CSMD2: variants seen among roughly 807,000 people sequenced by gnomAD.
The protein encoded by CSMD2 is CUB and Sushi multiple domains 2.
A neutral mutation model predicts 398.5 loss-of-function variants in CSMD2; 130 were observed. The observed-to-expected ratio is 0.33, with a 90% confidence interval of 0.28 to 0.38. CSMD2 has a LOEUF of 0.38. CSMD2 is among the 10% of genes least tolerant of loss of function. The pLI is 1.00. For missense variants in CSMD2, 3,829 were observed against 4,764.9 expected (o/e 0.80, Z 5.78); for synonymous variants, 1,828 against 1,908.5 (o/e 0.96, Z 1.10).
intron 25 of CSMD2, among the ~76,000 whole-genome samples, chr1:33,678,792 T>C (rs921395885): frequency 1.3e-5 from 2 of 152,104 alleles, no homozygotes; most frequent in Admixed American, 6.6e-5. Flanking sequence ...AATCCAGCAT[T>C]GGTGTCTATA....
intron 52 of CSMD2, among the ~76,000 whole-genome samples, 155 bp downstream of exon 52, chr1:33,569,219 A>G (rs1202703139): frequency 6.6e-6 from 1 of 152,150 alleles, no homozygotes; most frequent in East Asian, 1.9e-4. Flanking sequence ...CCAGGGTTTT[A>G]GTCATGCCTG....
Position 33,540,515 on chromosome 1 carries a change from A to G in CSMD2, c.9631+10T>C, listed in dbSNP as rs1489669551. The G allele has an allele frequency of 2.5e-6, 4 of 1,613,998 alleles. No homozygotes were observed. The highest frequency in any genetic ancestry group is 3.4e-6 in the Non-Finnish European group (4 of 1,179,932). ...AGAGGATGCACCAAAGGCCCTTGTA[A>G]GCAACTTACGGAAACACTGAGGCAG... On this transcript the variant is annotated intron_variant, in intron 60 of 70. Coordinates refer to ENST00000373381, the MANE Select transcript of CSMD2 (RefSeq NM_001281956.2).
intron 7 of CSMD2, among the ~76,000 whole-genome samples, chr1:33,821,945 G>T (rs998896262): frequency 6.6e-6 from 1 of 152,186 alleles, no homozygotes; most frequent in Non-Finnish European, 1.5e-5. Context: ...AAGAGAATGC[G>T]TGTTATGCAG....
intron 5 of CSMD2, among the ~76,000 whole-genome samples, chr1:33,908,493 A>G (rs1643256134): frequency 6.6e-6 from 1 of 152,246 alleles, no homozygotes; most frequent in Admixed American, 6.5e-5. Flanking sequence ...CGCCTCGCAG[A>G]TGAGGCACTT....
intron 12 of CSMD2, among the ~76,000 whole-genome samples, chr1:33,786,276 G>C (rs1004573827): frequency 4.6e-5 from 7 of 152,188 alleles, no homozygotes; most frequent in Non-Finnish European, 1.0e-4. Flanking sequence ...TTAAGGGCAT[G>C]AGGATGACAT....
At chr1:33,556,353 A>T (rs1352311194) in intron 55 of CSMD2, among the ~76,000 whole-genome samples, 1 of 152,204 alleles carries the variant, frequency 6.6e-6, no homozygotes. Context: ...GTGAGCAGCT[A>T]TACCAGGCTC....
rs182031725 is a variant in CSMD2 at position 33,815,150 on chromosome 1, C to T, written c.1325-4286G>A. ...CCAAGTCTATCATTTCCCATGTCTT[C>T]CTTCACCAATTCCTTGCAGAAACAA... On this transcript the variant is annotated intron_variant, in intron 9 of 70. Transcript: ENST00000373381. 18 of 152,270 alleles carry T rather than the reference C, an allele frequency of 1.2e-4. 1 individual carries two copies. In the East Asian group the frequency reaches 3.5e-3, roughly 30 times the overall value. 9.4% of individuals were successfully genotyped at this position (152,270 alleles called of 1,614,324 possible).
chr1:34,031,424 G>T (rs560494474), intron 3 of CSMD2, among the ~76,000 whole-genome samples: 5 of 152,156 alleles, frequency 3.3e-5, no homozygotes, highest in Admixed American at 6.5e-5. Context: ...TTTAAGGACA[G>T]GTCAGTCTTT....
At chr1:33,557,506 T>G (rs1437249444) in intron 55 of CSMD2, among the ~76,000 whole-genome samples, 1 of 151,814 alleles carries the variant, frequency 6.6e-6, no homozygotes, top group Non-Finnish European at 1.5e-5. Flanking sequence ...GCTAGGAAAG[T>G]GAGAACACAA....
rs117594654 is a variant in CSMD2 at position 33,803,221 on chromosome 1, C to T, written c.1446+7522G>A. 2.2e-3 allele frequency among the ~76,000 whole-genome samples: 333 copies of T among 152,278 alleles called. 2 individuals carry two copies. Among genetic ancestry groups the T allele is most frequent in the South Asian group, 0.022 (105 of 4,824 alleles). ...CTGGATTTTGCTCTTTCTCCTGTCA[C>T]GACGGTATTCTCAGATCCATTCTGA... On this transcript the variant is annotated intron_variant, in intron 10 of 70. Transcript: ENST00000373381.
intron 1 of CSMD2, among the ~76,000 whole-genome samples, chr1:34,090,669 C>A (rs1276208532): frequency 6.6e-6 from 1 of 152,136 alleles, no homozygotes; most frequent in East Asian, 1.9e-4. Context: ...TCCGTCTGTC[C>A]CCACCCTACA....
intron 3 of CSMD2, among the ~76,000 whole-genome samples, chr1:34,016,089 ATATAT>A (rs1485113467): frequency 6.6e-6 from 1 of 152,066 alleles, no homozygotes; most frequent in African/African-American, 2.4e-5. Flanking sequence ...ATTTATATAC[ATATAT>A]TTAGTTAAGA....
chr1:33,541,423 G>A (rs918998072), intron 58 of CSMD2, 114 bp from the exon 59 acceptor site: 23 of 800,288 alleles, frequency 2.9e-5, no homozygotes, highest in Non-Finnish European at 4.3e-5. Context: ...TCAGATCAGG[G>A]ATGCCCTGTC....
chr1:33,849,507 G>T lies in CSMD2; in HGVS notation c.921-2511C>A, dbSNP rs185424384. Among the ~76,000 whole-genome samples the T allele has an allele frequency of 6.3e-4, 96 of 152,278 alleles. 1 individual carries two copies. The highest frequency in any genetic ancestry group is 2.2e-3 in the African/African-American group (92 of 41,556). ...GCTGGGGGTGAGAGATAAAGGTTGG[G>T]GACTGCCTGGCTGGGAAATAGTGCA... On this transcript the variant is annotated intron_variant, in intron 5 of 70. Coordinates refer to ENST00000373381, the MANE Select transcript of CSMD2 (RefSeq NM_001281956.2).
chr1:33,934,772 G>A (rs954187278), intron 4 of CSMD2, among the ~76,000 whole-genome samples: 1 of 150,558 alleles, frequency 6.6e-6, no homozygotes, highest in Non-Finnish European at 1.5e-5. Flanking sequence ...AAGGCCGGAG[G>A]ATCATTTGAG....
chr1:33,798,964 G>C (rs1655279609), intron 10 of CSMD2, among the ~76,000 whole-genome samples: 2 of 152,220 alleles, frequency 1.3e-5, no homozygotes, highest in Admixed American at 1.3e-4. Flanking sequence ...TAGAGTCCCG[G>C]GAGATGTAGA....
chr1:33,569,455 A>C lies in CSMD2; in HGVS notation c.8050T>G (p.Ser2684Ala). Reference sequence around the variant, plus strand: ...CTGGAGCCCACCAGTGTGTATCCGGAATTGCAGGAGAAGATGGCTGTTGCC... The same window carrying C: ...CTGGAGCCCACCAGTGTGTATCCGGCATTGCAGGAGAAGATGGCTGTTGCC... ...YGATAIFSCN[S>A]GYTLVGSRVR... is the part of the protein sequence containing the mutation. Residue 2684 changes from serine to alanine, a missense_variant, in exon 52 of 71, where the codon TCC becomes GCC. Transcript: ENST00000373381. 1 of 1,614,096 alleles carries C rather than the reference A, an allele frequency of 6.2e-7. No homozygotes were observed. The highest frequency in any genetic ancestry group is 8.5e-7 in the Non-Finnish European group (1 of 1,180,024).
intron 25 of CSMD2, among the ~76,000 whole-genome samples, chr1:33,672,250 A>T (rs1176805561): frequency 6.6e-6 from 1 of 152,224 alleles, no homozygotes; most frequent in Non-Finnish European, 1.5e-5. Context: ...CGGCACCTGG[A>T]AAATCGGGTC....
intron 5 of CSMD2, among the ~76,000 whole-genome samples, chr1:33,914,795 T>C (rs533595603): frequency 1.3e-5 from 2 of 152,232 alleles, no homozygotes; most frequent in Non-Finnish European, 2.9e-5. Context: ...TTATCTTTCA[T>C]GATGTCAGGA....
Sources: allele counts gnomAD v4.1 joint callset (sites outside exome capture counted in the v4.1 genomes callset), GRCh38; gene constraint gnomAD v4.1.1; transcripts MANE v1.5; gene names NCBI Gene and HGNC (gene_info 2026-07-23, HGNC 2026-07-21).